MAST2: variants seen among roughly 807,000 people sequenced by gnomAD.
MAST2 encodes microtubule associated serine/threonine kinase 2.
Under a neutral mutation model 147.4 loss-of-function variants are expected in MAST2, and 70 were observed. That is an observed-to-expected ratio of 0.47 (90% CI 0.39 to 0.58). The LOEUF (loss-of-function observed/expected upper bound fraction) is 0.58, where lower values mean the gene tolerates loss of function less well. Ranked by LOEUF, MAST2 falls within the 20% of genes least tolerant of loss-of-function variation. The probability of loss-of-function intolerance (pLI) is 0.00; values close to 1 mark genes in which losing one functional copy is unlikely to be tolerated. For missense variants in MAST2, 2,080 were observed against 2,302.3 expected (o/e 0.90, Z 1.98); for synonymous variants, 869 against 896.8 (o/e 0.97, Z 0.55).
chr1:45,945,412 C>T (rs1657881484), intron 4 of MAST2, among the ~76,000 whole-genome samples: 3 of 152,084 alleles, frequency 2.0e-5, no homozygotes, highest in Admixed American at 2.0e-4. Flanking sequence ...AAAACAACAA[C>T]CATAAAAATG....
chr1:46,022,152 G>A, intron 12 of MAST2, 70 bp downstream of exon 12: 1 of 1,588,278 alleles, frequency 6.3e-7, no homozygotes. Flanking sequence ...CAGGGAAGCT[G>A]CTTGGAAAAG....
chr1:45,899,356 T>A (rs1649356119), intron 4 of MAST2, among the ~76,000 whole-genome samples: 1 of 149,616 alleles, frequency 6.7e-6, no homozygotes, highest in Admixed American at 6.7e-5. Context: ...GCAGGATTGT[T>A]ACATGGATAT....
At chr1:45,849,654 G>C (rs1645560536) in intron 3 of MAST2, among the ~76,000 whole-genome samples, 1 of 152,000 alleles carries the variant, frequency 6.6e-6, no homozygotes, top group Non-Finnish European at 1.5e-5. Context: ...AGCCTCTGGA[G>C]TAGCTGGGAC....
chr1:45,965,966 C>CA (rs1661134863), intron 5 of MAST2, among the ~76,000 whole-genome samples: 1 of 152,092 alleles, frequency 6.6e-6, no homozygotes, highest in Admixed American at 6.6e-5. Context: ...TATCATTTAC[C>CA]ATTATAGTAT....
chr1:45,946,215 T>C lies in MAST2; in HGVS notation c.501-13171T>C, dbSNP rs545171529. Among the ~76,000 whole-genome samples, 50 of 152,294 alleles carry C rather than the reference T, an allele frequency of 3.3e-4. No homozygotes were observed. The South Asian group carries it at 0.01, about 32-fold the overall frequency. On this transcript the variant is annotated intron_variant, in intron 4 of 28. Transcript: ENST00000361297. ...TTTTCTCCTATCTCTTTTACCAGGT[T>C]GATTCCATTAGAACTGTGTGAATGT... is the stretch of plus-strand genomic sequence containing the variant.
chr1:45,833,880 T>C (rs571870514), intron 3 of MAST2, among the ~76,000 whole-genome samples: 3 of 152,136 alleles, frequency 2.0e-5, no homozygotes, highest in South Asian at 4.2e-4. Flanking sequence ...TTTTTTTTTT[T>C]CCTGAGCTAC....
chr1:45,966,062 T>C (rs1661148883), intron 5 of MAST2, among the ~76,000 whole-genome samples: 1 of 152,234 alleles, frequency 6.6e-6, no homozygotes, highest in Non-Finnish European at 1.5e-5. Flanking sequence ...TCCAGTAATC[T>C]TTTGACTGTC....
Position 45,994,274 on chromosome 1 carries a change from CTTTTT to C in MAST2, c.593-3429_593-3425del, listed in dbSNP as rs869216588. 3.0e-3 allele frequency among the ~76,000 whole-genome samples: 189 copies of C among 62,036 alleles called. 1 individual carries two copies. Among genetic ancestry groups the C allele is most frequent in the Non-Finnish European group, 4.3e-3 (156 of 36,588 alleles). 40.7% of individuals were successfully genotyped at this position (62,036 alleles called of 152,430 possible). A position where few individuals can be genotyped will look rare whatever the true frequency, so the allele number is the denominator to read the frequency against. On this transcript the variant is annotated intron_variant, in intron 5 of 28. Transcript: ENST00000361297. Reference sequence around the variant, plus strand: ...GCAAGTGGCTCAAAGCCCTAACCCTCTTTTTTTTTTTTTTTTTTTTTTTTTGAGAA... The same window carrying C: ...GCAAGTGGCTCAAAGCCCTAACCCTCTTTTTTTTTTTTTTTTTTTTGAGAA...
rs201883216 is a variant in MAST2 at position 45,989,555 on chromosome 1, A to AT, written c.593-8160dup. 3.8e-4 allele frequency among the ~76,000 whole-genome samples: 58 copies of AT among 151,028 alleles called. 1 individual carries two copies. In the East Asian group the frequency reaches 6.6e-3, roughly 17 times the overall value. On this transcript the variant is annotated intron_variant, in intron 5 of 28. Coordinates refer to ENST00000361297, the MANE Select transcript of MAST2 (RefSeq NM_015112.3). ...CTGGGATCCTCTGATCTCATAAGTT[A>AT]TTTTTTTTTAATTTGCCTTTAGAGG...
chr1:46,029,765 A>G, intron 19 of MAST2, 66 bp from the exon 20 acceptor site: 8 of 1,583,376 alleles, frequency 5.1e-6, no homozygotes, highest in Non-Finnish European at 6.9e-6. Flanking sequence ...GCTTCTTGCT[A>G]GATTTGCTGA....
In MAST2 at chr1:46,008,277, T is replaced by C. The variant is rs1645570155; in HGVS notation, c.903-19T>C. ...GTTCCATAGCACTAAAGTAACACAA[T>C]CATTTCTTTCTTTTTTAGTCCCGGA... On this transcript the variant is annotated intron_variant, in intron 8 of 28. Transcript: ENST00000361297. 1.3e-6 allele frequency: 2 copies of C among 1,571,418 alleles called. No homozygotes were observed. The highest frequency in any genetic ancestry group is 1.1e-5 in the South Asian group (1 of 90,110).
rs117968134 is a variant in MAST2, at chr1:45,942,593, T to C, written c.501-16793T>C. 4.8e-4 allele frequency among the ~76,000 whole-genome samples: 73 copies of C among 152,342 alleles called. No individual in the cohort carries two copies. The East Asian group carries it at 0.013, about 28-fold the overall frequency. On this transcript the variant is annotated intron_variant, in intron 4 of 28. Transcript: ENST00000361297. ...GGTAAATTGCATGTTATGGGGGTAT[T>C]ATATACCATTTTAACAAAGGATGAT...
chr1:45,995,567 T>A (rs1240071256), intron 5 of MAST2, among the ~76,000 whole-genome samples: 1 of 152,188 alleles, frequency 6.6e-6, no homozygotes, highest in Admixed American at 6.5e-5. Context: ...CGCTGCCTCC[T>A]GTCTCTAAAC....
At chr1:45,838,991 T>C (rs1219214922) in intron 3 of MAST2, among the ~76,000 whole-genome samples, 1 of 152,154 alleles carries the variant, frequency 6.6e-6, no homozygotes, top group Non-Finnish European at 1.5e-5. Flanking sequence ...TTTTTTCCTT[T>C]GAGACAGGGT....
intron 9 of MAST2, among the ~76,000 whole-genome samples, chr1:46,009,629 T>C (rs1476759343): frequency 6.6e-6 from 1 of 152,234 alleles, no homozygotes; most frequent in East Asian, 1.9e-4. Flanking sequence ...CTCCTCCTCC[T>C]TGTATGTTAG....
At chr1:45,832,692 G>T (rs1441646895) in intron 3 of MAST2, among the ~76,000 whole-genome samples, 1 of 152,184 alleles carries the variant, frequency 6.6e-6, no homozygotes, top group East Asian at 1.9e-4. Flanking sequence ...AAGGTGGTAT[G>T]TTGCAGAAGG....
chr1:46,033,150 T>G (rs1646749364), intron 26 of MAST2, among the ~76,000 whole-genome samples: 1 of 151,872 alleles, frequency 6.6e-6, no homozygotes, highest in Non-Finnish European at 1.5e-5. Flanking sequence ...GGTAGGCACT[T>G]GTAATCCCGG....
In MAST2 at chr1:45,999,028, G is replaced by A. The variant is rs972534741; in HGVS notation, c.668+1229G>A. Among the ~76,000 whole-genome samples, 7 of 152,054 alleles carry A rather than the reference G, an allele frequency of 4.6e-5. No homozygotes were observed. In the East Asian group the frequency reaches 5.8e-4, roughly 13 times the overall value. On this transcript the variant is annotated intron_variant, in intron 6 of 28. Transcript: ENST00000361297. ...ATTACAGGCATGAGCCACCGTGCCC[G>A]GCCTACTTAGACTACTTTTTAAAAA...
chr1:45,976,172 T>C (rs959028384), intron 5 of MAST2, among the ~76,000 whole-genome samples: 6 of 152,058 alleles, frequency 3.9e-5, no homozygotes, highest in African/African-American at 1.4e-4. Context: ...AGACGGGGTA[T>C]CACCATGTTG....
Sources: gnomAD v4.1 joint callset for allele counts (sites outside exome capture counted in the v4.1 genomes callset) on GRCh38, gnomAD v4.1.1 for gene constraint, MANE v1.5 for transcripts, NCBI Gene and HGNC (gene_info 2026-07-23, HGNC 2026-07-21) for gene names.